Variants in CRB2 observed in about 807,000 individuals in gnomAD.
CRB2 encodes the protein crumbs cell polarity complex component 2, also known as protein crumbs homolog 2.
CRB2 carries 85 observed loss-of-function variants against 110.9 expected under a neutral mutation model. That is an observed-to-expected ratio of 0.77 (90% CI 0.64 to 0.92). The LOEUF is 0.92. Ranked by LOEUF, CRB2 falls within the 40% of genes least tolerant of loss-of-function variation. CRB2 has a pLI of 0.00. For missense variants in CRB2, 1,843 were observed against 1,851.3 expected, an observed-to-expected ratio of 1.00 and a Z score of 0.08; for synonymous variants, 907 against 831.0, an observed-to-expected ratio of 1.09 and a Z score of -1.57.
At chr9:123,375,092 G>C in intron 11 of CRB2, 125 bp from the exon 12 acceptor site, 1 of 1,417,790 alleles carries the variant, frequency 7.1e-7, no homozygotes, top group Admixed American at 1.9e-5. Context: ...GGCAGGAGCA[G>C]CGCATGGGGA....
Position 123,373,557 on chromosome 9 carries a change from A to G in CRB2, c.3026A>G (p.Asn1009Ser). Residue 1009 changes from asparagine to serine, a missense_variant, in exon 10 of 13, where the codon AAC becomes AGC. Asn to Ser is a conservative substitution (Grantham distance 46). Transcript: ENST00000373631. Reference protein sequence around the residue: ...PGAVRILLAENFTGCLGRVAL... With the variant: ...PGAVRILLAESFTGCLGRVAL... ...GCTGTGCGCATCCTGCTGGCTGAGA[A>G]CTTCACCGGCTGCTTGGGCCGCGTG... 2 of 1,478,474 alleles carry G rather than the reference A, an allele frequency of 1.4e-6. No individual in the cohort carries two copies. Among genetic ancestry groups the G allele is most frequent in the Middle Eastern group, 1.8e-4 (1 of 5,562 alleles). The allele number at this position is 1,478,474 out of a possible 1,614,324, so 91.6% of individuals were successfully genotyped here.
chr9:123,375,499 C>CCACA (rs1219873915), intron 12 of CRB2, among the ~76,000 whole-genome samples, 156 bp downstream of exon 12: 2 of 152,138 alleles, frequency 1.3e-5, no homozygotes, highest in African/African-American at 4.8e-5. Flanking sequence ...TCCACACCCC[C>CCACA]CACACAAGAG....
At chr9:123,376,576 G>C (rs1171840833) in intron 12 of CRB2, among the ~76,000 whole-genome samples, 2 of 152,114 alleles carry the variant, frequency 1.3e-5, no homozygotes, top group Non-Finnish European at 2.9e-5. Flanking sequence ...GCTCCTGCCG[G>C]GTGTTCAATA....
At chr9:123,354,544 G>C (rs1313285470), upstream of CRB2, among the ~76,000 whole-genome samples, 1 of 152,230 alleles carries the variant, frequency 6.6e-6, no homozygotes, top group South Asian at 2.1e-4. Flanking sequence ...TGAGGTCACC[G>C]GCTAATCAGT....
In CRB2 at chr9:123,373,420, G is replaced by A. The variant is rs1007692329; in HGVS notation, c.2889G>A (p.Met963Ile). The A allele has an allele frequency of 2.1e-6, 3 of 1,447,938 alleles. No homozygotes were observed. Among genetic ancestry groups the A allele is most frequent in the African/African-American group, 3.0e-5 (2 of 67,346 alleles). 89.7% of individuals were successfully genotyped at this position (1,447,938 alleles called of 1,614,324 possible). Residue 963 changes from methionine (M) to isoleucine (I), a missense_variant, in exon 10 of 13, where the codon ATG (methionine) becomes ATA (isoleucine). Physicochemically the swap from Met to Ile is conservative, Grantham distance 10. Coordinates refer to ENST00000373631, the MANE Select transcript of CRB2 (RefSeq NM_173689.7). ...DGAWHRVRLA[M>I]ERPAATTSRW... ...CCTGGCACCGCGTGCGTCTGGCCAT[G>A]GAGCGCCCGGCGGCCACCACCTCGC...
In CRB2 at chr9:123,369,973, C is replaced by G. The variant is rs2132770938; in HGVS notation, c.1055-135C>G. 43 of 1,068,428 alleles carry G rather than the reference C, an allele frequency of 4.0e-5. No individual in the cohort carries two copies. In the South Asian group the frequency reaches 6.2e-4, roughly 15 times the overall value. 66.2% of individuals were successfully genotyped at this position (1,068,428 alleles called of 1,614,324 possible). A position where few individuals can be genotyped will look rare whatever the true frequency, so the allele number is the denominator to read the frequency against. On this transcript the variant is annotated intron_variant, in intron 6 of 12. Coordinates refer to ENST00000373631, the MANE Select transcript of CRB2 (RefSeq NM_173689.7). ...TGGCCTACGGGGGGACTTGAGGGGA[C>G]CATGAGAAATCCTCTGGGAATTGGT...
At chr9:123,354,238 A>G (rs2041775919), upstream of CRB2, among the ~76,000 whole-genome samples, 1 of 152,162 alleles carries the variant, frequency 6.6e-6, no homozygotes, top group Admixed American at 6.5e-5. Context: ...TCTGGCCACA[A>G]GGTGGAGTGT....
At chr9:123,373,958 C>T (rs1175731629) in intron 10 of CRB2, 38 bp downstream of exon 10, 1 of 1,550,050 alleles carries the variant, frequency 6.5e-7, no homozygotes. Flanking sequence ...TGCGAATGCC[C>T]CCTGGGGCTA....
At chr9:123,365,824 C>T (rs1157586118) in intron 2 of CRB2, 93 bp from the exon 3 acceptor site, 18 of 1,135,046 alleles carry the variant, frequency 1.6e-5, no homozygotes, top group South Asian at 1.4e-4. Flanking sequence ...AATGAATCCA[C>T]GAGTCTCTAA....
At position 123,367,309 on chromosome 9, in the gene CRB2, T is replaced by G. The variant is rs2041947789; in HGVS notation, c.892T>G (p.Phe298Val). 6.2e-7 allele frequency: 1 copy of G among 1,604,514 alleles called. No individual in the cohort carries two copies. Among genetic ancestry groups the G allele is most frequent in the Non-Finnish European group, 8.5e-7 (1 of 1,179,492 alleles). ...GGCCGCCTTCCCTGGCGCCTTCAGC[T>G]TCCGCCATGCTGCGGGTTTCCTGTG... ...VQAAFPGAFS[F>V]RHAAGFLCHC... Residue 298 changes from phenylalanine (F) to valine (V), a missense_variant, in exon 5 of 13, where the codon TTC becomes GTC. Coordinates refer to ENST00000373631, the MANE Select transcript of CRB2 (RefSeq NM_173689.7).
In CRB2 at chr9:123,373,276, C is replaced by G; in HGVS notation, c.2745C>G (p.Gly915=). 1 of 1,481,962 alleles carries G rather than the reference C, an allele frequency of 6.7e-7. No individual in the cohort carries two copies. The allele number at this position is 1,481,962 out of a possible 1,614,324, so 91.8% of individuals were successfully genotyped here. ...CCTGGCTGCTGCGTGCCGCGGCGGGCGCCCTGGAAGGCGTGTGGCTGGCGG... is the reference window on the plus strand; with the variant it reads ...CCTGGCTGCTGCGTGCCGCGGCGGGGGCCCTGGAAGGCGTGTGGCTGGCGG... ...SEAWLLRAAA[G]ALEGVWLAVR... The change falls in exon 10 of 13, where the codon GGC becomes GGG. Residue 915 remains glycine, a synonymous_variant. Coordinates refer to ENST00000373631, the MANE Select transcript of CRB2 (RefSeq NM_173689.7).
intron 1 of CRB2, among the ~76,000 whole-genome samples, chr9:123,356,696 C>T (rs1389821949): frequency 6.6e-6 from 1 of 151,732 alleles, no homozygotes; most frequent in African/African-American, 2.4e-5. Flanking sequence ...GGCTGGGGGA[C>T]TTCTGGGTTT....
rs1305529663 is a variant in CRB2, at chr9:123,372,342, TGTGA to T, written c.2602+4_2602+7del. 7 of 1,589,584 alleles carry T rather than the reference TGTGA, an allele frequency of 4.4e-6. No individual in the cohort carries two copies. The highest frequency in any genetic ancestry group is 1.7e-5 in the Admixed American group (1 of 58,628). On this transcript the variant is annotated splice_donor_variant and splice_donor_region_variant and intron_variant, in intron 9 of 12. Coordinates refer to ENST00000373631, the MANE Select transcript of CRB2 (RefSeq NM_173689.7). LOFTEE classifies it high-confidence loss of function. ...TGAGGAGGTCCCTGATGGCTTTGTG[TGTGA>T]GTGTGTGTCCTGGGCAGCTCCCGTG...
upstream of CRB2, among the ~76,000 whole-genome samples, chr9:123,355,048 G>C (rs529074682): frequency 6.6e-6 from 1 of 152,318 alleles, no homozygotes; most frequent in South Asian, 2.1e-4. Context: ...TACTGAATAG[G>C]GACAAACAGG....
At chr9:123,373,066 G>C in intron 9 of CRB2, 68 bp from the exon 10 acceptor site, 1 of 1,311,872 alleles carries the variant, frequency 7.6e-7, no homozygotes, top group South Asian at 1.5e-5. Context: ...CTCGCTGGGG[G>C]AAGTGGGGAG....
chr9:123,375,317 T>C lies in CRB2; in HGVS notation c.3607T>C (p.Phe1203Leu). The part of the protein sequence containing the change: ...GVSECICNAR[F>L]SGQFCEVAKG... ...GTCTGAATGTATCTGCAATGCCAGA[T>C]TCTCCGGCCAGTTCTGTGAAGTGGC... Residue 1203 changes from phenylalanine to leucine, a missense_variant, in exon 12 of 13, where the codon TTC (phenylalanine) becomes CTC (leucine). By Grantham distance (22) the Phe-to-Leu change is conservative. Transcript: ENST00000373631. 1 of 1,606,470 alleles carries C rather than the reference T, an allele frequency of 6.2e-7. No individual in the cohort carries two copies. The highest frequency in any genetic ancestry group is 8.5e-7 in the Non-Finnish European group (1 of 1,175,926).
chr9:123,376,889 G>A lies in CRB2; in HGVS notation c.3685G>A (p.Ala1229Thr). 6.2e-7 allele frequency: 1 copy of A among 1,610,008 alleles called. No homozygotes were observed. Among genetic ancestry groups the A allele is most frequent in the Non-Finnish European group, 8.5e-7 (1 of 1,179,368 alleles). ...PFPLLEVAVP[A>T]ACACLLLLLL... The stretch of plus-strand genomic sequence containing the variant: ...CCCACTGCTGGAGGTGGCCGTACCT[G>A]CAGCCTGTGCCTGCCTCCTCCTCCT... The change falls in exon 13 of 13, where the codon GCA becomes ACA. Residue 1229 changes from alanine (A) to threonine (T), a missense_variant. Coordinates refer to ENST00000373631, the MANE Select transcript of CRB2 (RefSeq NM_173689.7).
At chr9:123,359,430 GTTTTTGTTTTGTTTTTTTTTT>G (rs1159712568) in intron 1 of CRB2, among the ~76,000 whole-genome samples, 1 of 98,026 alleles carries the variant, frequency 1.0e-5, no homozygotes, top group Non-Finnish European at 2.0e-5. Context: ...GTGGTTTTTC[GTTTTTGTTTTGTTTTTTTTTT>G]TTTTTTTTTT....
chr9:123,368,663 G>A (rs2041969734), intron 6 of CRB2: 11 of 531,698 alleles, frequency 2.1e-5, no homozygotes, highest in Non-Finnish European at 2.8e-5. Context: ...GTGACAGGGA[G>A]GGCAGACCTC....
Sources: gnomAD v4.1 joint callset for allele counts (sites outside exome capture counted in the v4.1 genomes callset) on GRCh38, gnomAD v4.1.1 for gene constraint, MANE v1.5 for transcripts, NCBI Gene and HGNC (gene_info 2026-07-23, HGNC 2026-07-21) for gene names.